Variants in LRMDA observed in about 807,000 individuals in gnomAD.
LRMDA encodes leucine rich melanocyte differentiation associated, also known as leucine-rich melanocyte differentiation-associated protein.
In LRMDA, 18 loss-of-function variants were observed where a neutral mutation model predicts 29.8. That is an observed-to-expected ratio of 0.60 (90% confidence interval 0.42 to 0.90). The LOEUF (loss-of-function observed/expected upper bound fraction) is 0.90. Ranked by LOEUF, LRMDA falls within the 40% of genes least tolerant of loss-of-function variation. The pLI is 0.00. For missense variants in LRMDA, 273 were observed against 273.9 expected (o/e 1.00, Z 0.02); for synonymous variants, 125 against 109.4 (o/e 1.14, Z -0.89).
At chr10:75,839,929 T>C (rs1167872533) in intron 2 of LRMDA, among the ~76,000 whole-genome samples, 4 of 152,082 alleles carry the variant, frequency 2.6e-5, no homozygotes, top group Non-Finnish European at 5.9e-5. Context: ...AGGATGATCT[T>C]GATCTCCTGA....
chr10:75,972,311 G>A (rs1327323920), intron 2 of LRMDA, among the ~76,000 whole-genome samples: 1 of 151,738 alleles, frequency 6.6e-6, no homozygotes, highest in Non-Finnish European at 1.5e-5. Context: ...TTTAAAGAGC[G>A]AGAAAACCTC....
At chr10:76,136,583 T>C (rs1850098457) in intron 5 of LRMDA, among the ~76,000 whole-genome samples, 1 of 139,392 alleles carries the variant, frequency 7.2e-6, no homozygotes, top group South Asian at 2.4e-4. Context: ...TCCAGAAACA[T>C]ATTTACATAC....
chr10:76,282,669 A>G lies in LRMDA; in HGVS notation c.517-41732A>G, dbSNP rs537904711. Reference sequence around the variant, plus strand: ...CAAGCGTGCTCAGCAGAGGACTGCAATTACAGTTTAAGACAGCTACTTTTT... The same window carrying G: ...CAAGCGTGCTCAGCAGAGGACTGCAGTTACAGTTTAAGACAGCTACTTTTT... On this transcript the variant is annotated intron_variant, in intron 5 of 6. Transcript: ENST00000611255. 9.8e-5 allele frequency among the ~76,000 whole-genome samples: 15 copies of G among 152,350 alleles called. No homozygotes were observed. The East Asian group carries it at 2.9e-3, about 29-fold the overall frequency.
At chr10:75,588,114 C>A (rs543901720) in intron 2 of LRMDA, among the ~76,000 whole-genome samples, 1 of 152,320 alleles carries the variant, frequency 6.6e-6, no homozygotes, top group South Asian at 2.1e-4. Flanking sequence ...GGGCACCATG[C>A]TTCACCTGCT....
chr10:76,504,222 T>C (rs996992014), intron 6 of LRMDA, among the ~76,000 whole-genome samples: 2 of 151,952 alleles, frequency 1.3e-5, no homozygotes, highest in Non-Finnish European at 2.9e-5. Flanking sequence ...CTTTTTTGAA[T>C]TTATTGAGAC....
chr10:76,428,694 T>A (rs1293908600), intron 6 of LRMDA, among the ~76,000 whole-genome samples: 1 of 152,120 alleles, frequency 6.6e-6, no homozygotes, highest in Non-Finnish European at 1.5e-5. Flanking sequence ...AAAAAGAGAA[T>A]GACTCACTAG....
At chr10:76,368,307 T>G (rs1841415365) in intron 6 of LRMDA, among the ~76,000 whole-genome samples, 1 of 152,216 alleles carries the variant, frequency 6.6e-6, no homozygotes, top group Non-Finnish European at 1.5e-5. Flanking sequence ...GTCACTATTG[T>G]CATTCAGTTT....
At chr10:75,441,370 G>A (rs1844325329) in intron 2 of LRMDA, among the ~76,000 whole-genome samples, 1 of 152,160 alleles carries the variant, frequency 6.6e-6, no homozygotes, top group South Asian at 2.1e-4. Flanking sequence ...TTCCTCTTGA[G>A]CAGCCTGCCT....
intron 4 of LRMDA, among the ~76,000 whole-genome samples, chr10:76,054,791 G>A (rs1848582893): frequency 6.6e-6 from 1 of 150,800 alleles, no homozygotes; most frequent in African/African-American, 2.4e-5. Context: ...TCTACTGGAG[G>A]ATAGAAAAGA....
rs566988153 is a variant in LRMDA at position 76,475,091 on chromosome 10, T to TA, written c.602-82111dup. ...TAAACCTTGAAAACATTATGCTAAG[T>TA]AAAAAAACCCAGTTACCAATGAACA... On this transcript the variant is annotated intron_variant, in intron 6 of 6. Coordinates refer to ENST00000611255, the MANE Select transcript of LRMDA (RefSeq NM_001305581.2). Among the ~76,000 whole-genome samples, 16 of 151,732 alleles carry TA rather than the reference T, an allele frequency of 1.1e-4. No individual in the cohort carries two copies. The East Asian group carries it at 2.5e-3, about 24-fold the overall frequency.
chr10:76,014,128 A>ATATATATATATAAT (rs1554840720), intron 2 of LRMDA, among the ~76,000 whole-genome samples: 20 of 94,840 alleles, frequency 2.1e-4, no homozygotes, highest in East Asian at 1.3e-3. Context: ...ATATATAATT[A>ATATATATATATAAT]TATATATATA....
chr10:76,397,513 A>T (rs1233874058), intron 6 of LRMDA, among the ~76,000 whole-genome samples: 1 of 152,256 alleles, frequency 6.6e-6, no homozygotes, highest in East Asian at 1.9e-4. Flanking sequence ...TTGTTTCTGA[A>T]GCTTGGCTGG....
intron 5 of LRMDA, among the ~76,000 whole-genome samples, chr10:76,320,155 G>T (rs1375788923): frequency 3.9e-5 from 6 of 152,316 alleles, no homozygotes; most frequent in South Asian, 4.1e-4. Context: ...TATGTGCATT[G>T]AATCTTTTCC....
intron 5 of LRMDA, among the ~76,000 whole-genome samples, chr10:76,188,703 C>T (rs1351211836): frequency 2.6e-5 from 4 of 152,082 alleles, no homozygotes; most frequent in African/African-American, 4.8e-5. Context: ...TCTTCAAGCT[C>T]CTCTAGGGAG....
At chr10:76,241,677 C>A (rs1852279984) in intron 5 of LRMDA, among the ~76,000 whole-genome samples, 1 of 152,140 alleles carries the variant, frequency 6.6e-6, no homozygotes, top group South Asian at 2.1e-4. Flanking sequence ...GTACCTGTAG[C>A]AGAGGAGCCC....
chr10:75,987,405 G>A (rs540325128), intron 2 of LRMDA, among the ~76,000 whole-genome samples: 2 of 152,340 alleles, frequency 1.3e-5, no homozygotes, highest in African/African-American at 4.8e-5. Flanking sequence ...CTTCTACCCA[G>A]CAGAAGCTGC....
At chr10:75,561,989 G>GA (rs1162815471) in intron 2 of LRMDA, among the ~76,000 whole-genome samples, 3 of 152,020 alleles carry the variant, frequency 2.0e-5, no homozygotes, top group African/African-American at 4.8e-5. Flanking sequence ...GTGTGGTGCT[G>GA]AAAAAAATGT....
intron 5 of LRMDA, among the ~76,000 whole-genome samples, chr10:76,281,726 C>T (rs1184258028): frequency 6.6e-6 from 1 of 152,216 alleles, no homozygotes; most frequent in Non-Finnish European, 1.5e-5. Context: ...CCTTACCTGA[C>T]AGACCCCTAA....
At chr10:76,143,462 A>G (rs1415421393) in intron 5 of LRMDA, among the ~76,000 whole-genome samples, 1 of 151,834 alleles carries the variant, frequency 6.6e-6, no homozygotes, top group Non-Finnish European at 1.5e-5. Flanking sequence ...GCATTTTTTC[A>G]TGTGTTTTTT....
Sources: gnomAD v4.1 joint callset for allele counts (sites outside exome capture counted in the v4.1 genomes callset) on GRCh38, gnomAD v4.1.1 for gene constraint, MANE v1.5 for transcripts, NCBI Gene and HGNC (gene_info 2026-07-23, HGNC 2026-07-21) for gene names.